The following GGT1 variants were observed in gnomAD, a reference collection of about 807,000 sequenced individuals.
GGT1 encodes the protein glutathione hydrolase 1 proenzyme.
Under a neutral mutation model 56.0 loss-of-function variants are expected in GGT1, and 21 were observed. That is an observed-to-expected ratio of 0.38 (90% CI 0.27 to 0.54). The LOEUF (loss-of-function observed/expected upper bound fraction) is 0.54. Ranked by LOEUF, GGT1 falls within the 20% of genes least tolerant of loss-of-function variation. The probability of loss-of-function intolerance (pLI) is 0.82; values close to 1 mark genes in which losing one functional copy is unlikely to be tolerated. For synonymous variants in GGT1, 238 were observed against 342.6 expected (o/e 0.69, Z 3.37); for missense variants, 466 against 787.0 (o/e 0.59, Z 4.88).
chr22:24,592,134 G>A (rs1301080076), upstream of GGT1: 2 of 381,230 alleles, frequency 5.2e-6, no homozygotes, highest in Non-Finnish European at 1.1e-5. Flanking sequence ...GGGACGGGGT[G>A]GTGAGGGAAG....
At chr22:24,586,114 A>C in the GGT1 span, 1 of 1,613,116 alleles carries the variant, frequency 6.2e-7, no homozygotes, top group Non-Finnish European at 8.5e-7. Flanking sequence ...CCCAAGCCAA[A>C]GCAGGGAACT....
chr22:24,627,116 G>T (rs1430920147), intron 11 of GGT1: 4 of 665,978 alleles, frequency 6.0e-6, no homozygotes, highest in East Asian at 3.7e-5. Context: ...GTTCCCTGTT[G>T]ATTCCCCAGT....
chr22:24,585,606 C>T, the GGT1 span: 1 of 505,700 alleles, frequency 2.0e-6, no homozygotes. Context: ...GCTCAGTGAC[C>T]CTGAGGTTGG....
chr22:24,618,277 C>G (rs5760503), intron 7 of GGT1, among the ~76,000 whole-genome samples: 60,067 of 151,920 alleles, frequency 0.4, 12,510 homozygotes, highest in African/African-American at 0.53. Context: ...TCACCCTGGT[C>G]TGCTATCAAA....
intron 7 of GGT1, among the ~76,000 whole-genome samples, chr22:24,616,409 C>T (rs1482236647): frequency 6.8e-6 from 1 of 148,066 alleles, no homozygotes; most frequent in Non-Finnish European, 1.5e-5. Context: ...AATGAAGCTC[C>T]GTCTCAAAAA....
the GGT1 span, among the ~76,000 whole-genome samples, chr22:24,586,810 C>A: frequency 1.3e-5 from 2 of 152,230 alleles, no homozygotes; most frequent in Non-Finnish European, 2.9e-5. Context: ...GGATTACAGG[C>A]GTGAGCCACT....
At chr22:24,597,208 C>T (rs1026956820) in intron 1 of GGT1, among the ~76,000 whole-genome samples, 1 of 152,070 alleles carries the variant, frequency 6.6e-6, no homozygotes, top group Non-Finnish European at 1.5e-5. Flanking sequence ...GTCTTGAACT[C>T]CTGACCTCAG....
chr22:24,592,776 C>A (rs1015662782), upstream of GGT1: 167 of 1,283,722 alleles, frequency 1.3e-4, no homozygotes, highest in Non-Finnish European at 1.6e-4. Flanking sequence ...TACAGGCCCA[C>A]AACCCATAGC....
At chr22:24,605,231 ATTATATT>A (rs1226208231) in intron 1 of GGT1, among the ~76,000 whole-genome samples, 8 of 19,890 alleles carry the variant, frequency 4.0e-4, no homozygotes, top group East Asian at 1.8e-3. Context: ...TATAATATGT[ATTATATT>A]ATATATTATA....
upstream of GGT1, among the ~76,000 whole-genome samples, chr22:24,600,566 T>C (rs1171744147): frequency 1.3e-5 from 2 of 152,222 alleles, no homozygotes; most frequent in African/African-American, 2.4e-5. Flanking sequence ...AGGTGGGTGC[T>C]GGAATAACAA....
At chr22:24,605,942 T>C (rs2046245858) in intron 1 of GGT1, among the ~76,000 whole-genome samples, 1 of 89,350 alleles carries the variant, frequency 1.1e-5, no homozygotes, top group Non-Finnish European at 2.0e-5. Flanking sequence ...ATATATAATA[T>C]ATAATATTAT....
chr22:24,584,884 T>C, the GGT1 span, among the ~76,000 whole-genome samples: 1 of 151,974 alleles, frequency 6.6e-6, no homozygotes, highest in East Asian at 1.9e-4. Context: ...ACTGTGGCAT[T>C]AGGCTTCTGG....
chr22:24,583,912 C>T, the GGT1 span: 954 of 395,054 alleles, frequency 2.4e-3, 2 homozygotes, highest in Non-Finnish European at 4.1e-3. Context: ...TGGCATTTCT[C>T]CAACAGGAGT....
At chr22:24,586,857 G>GCCAT in the GGT1 span, among the ~76,000 whole-genome samples, 15 of 152,242 alleles carry the variant, frequency 9.9e-5, no homozygotes, top group Non-Finnish European at 1.8e-4. Context: ...TAAGTGGGTG[G>GCCAT]CCATGGGCAA....
At chr22:24,584,806 C>T in the GGT1 span, among the ~76,000 whole-genome samples, 1 of 152,010 alleles carries the variant, frequency 6.6e-6, no homozygotes, top group African/African-American at 2.4e-5. Flanking sequence ...CTCTAAATTC[C>T]TTTCCCGCCT....
intron 1 of GGT1, among the ~76,000 whole-genome samples, chr22:24,595,627 C>A (rs926049157): frequency 1.3e-5 from 2 of 152,334 alleles, no homozygotes; most frequent in Middle Eastern, 3.4e-3. Flanking sequence ...AGGGAGGACA[C>A]AGCTAGACCT....
chr22:24,603,923 G>A (rs146167076), intron 1 of GGT1, among the ~76,000 whole-genome samples: 3 of 151,806 alleles, frequency 2.0e-5, no homozygotes, highest in Non-Finnish European at 4.4e-5. Context: ...TCCAGGGGGC[G>A]CCTGCCACCT....
chr22:24,626,635 T>C (rs1387779474), intron 11 of GGT1, among the ~76,000 whole-genome samples: 2 of 151,676 alleles, frequency 1.3e-5, no homozygotes, highest in Non-Finnish European at 2.9e-5. Flanking sequence ...GATTCTTCTC[T>C]TTCTCCCACC....
chr22:24,585,424 G>A, the GGT1 span, among the ~76,000 whole-genome samples: 1 of 152,200 alleles, frequency 6.6e-6, no homozygotes, highest in African/African-American at 2.4e-5. Flanking sequence ...CCCGCTCCCT[G>A]GAGGCCTCCT....
Sources: gnomAD v4.1 joint callset for allele counts (sites outside exome capture counted in the v4.1 genomes callset) on GRCh38, gnomAD v4.1.1 for gene constraint, MANE v1.5 for transcripts, NCBI Gene and HGNC (gene_info 2026-07-23, HGNC 2026-07-21) for gene names.